Variants in PTK2B observed in about 807,000 individuals in gnomAD.
The protein encoded by PTK2B is protein tyrosine kinase 2 beta, also known as protein-tyrosine kinase 2-beta.
A neutral mutation model predicts 142.9 loss-of-function variants in PTK2B; 71 were observed. The ratio of observed to expected loss-of-function variants is 0.50; its 90% CI spans 0.41 to 0.61. The LOEUF is 0.61. Among genes scored for constraint, PTK2B ranks in the 20% least tolerant of loss-of-function variants. The probability of loss-of-function intolerance (pLI) is 0.00; values close to 1 mark genes in which losing one functional copy is unlikely to be tolerated. For missense variants in PTK2B, 1,105 were observed against 1,320.4 expected (o/e 0.84, Z 2.53); for synonymous variants, 519 against 503.4 (o/e 1.03, Z -0.42).
At chr8:27,448,217 G>A (rs1327023072) in intron 24 of PTK2B, among the ~76,000 whole-genome samples, 1 of 152,252 alleles carries the variant, frequency 6.6e-6, no homozygotes, top group African/African-American at 2.4e-5. Context: ...ACAAGTGCAA[G>A]AACTGTTGGA....
At chr8:27,341,520 C>T (rs769358302) in intron 1 of PTK2B, among the ~76,000 whole-genome samples, 2 of 152,154 alleles carry the variant, frequency 1.3e-5, no homozygotes, top group East Asian at 1.9e-4. Context: ...GAGTGGAGGA[C>T]TCCCTGGCCC....
intron 1 of PTK2B, among the ~76,000 whole-genome samples, chr8:27,387,574 C>G (rs1385319885): frequency 6.6e-6 from 1 of 152,170 alleles, no homozygotes; most frequent in Non-Finnish European, 1.5e-5. Flanking sequence ...TGCCCTTGCC[C>G]TAGAAGACGG....
chr8:27,430,231 A>C (rs1810324783), intron 6 of PTK2B, 76 bp downstream of exon 6: 3 of 1,572,228 alleles, frequency 1.9e-6, no homozygotes, highest in Admixed American at 1.7e-5. Flanking sequence ...CCTCTCCTCC[A>C]CCCCTCCCCA....
intron 1 of PTK2B, among the ~76,000 whole-genome samples, chr8:27,368,599 T>G (rs1806156725): frequency 6.6e-6 from 1 of 152,250 alleles, no homozygotes; most frequent in South Asian, 2.1e-4. Context: ...ATTTTGCTCC[T>G]GCTTACATGT....
intron 1 of PTK2B, among the ~76,000 whole-genome samples, chr8:27,330,668 G>C (rs1803692919): frequency 6.6e-6 from 1 of 152,170 alleles, no homozygotes; most frequent in African/African-American, 2.4e-5. Flanking sequence ...GAGTCACTCT[G>C]CTATTTCTCA....
At chr8:27,336,305 A>G (rs1049226580) in intron 1 of PTK2B, among the ~76,000 whole-genome samples, 5 of 152,244 alleles carry the variant, frequency 3.3e-5, no homozygotes, top group African/African-American at 1.2e-4. Context: ...CTCATAAGAT[A>G]TTATCATCCG....
chr8:27,351,064 G>A (rs1385499696), intron 1 of PTK2B, among the ~76,000 whole-genome samples: 5 of 126,946 alleles, frequency 3.9e-5, no homozygotes, highest in Non-Finnish European at 7.9e-5. Context: ...AGGCACAGTG[G>A]TGCACACCTG....
At chr8:27,405,769 G>A in intron 2 of PTK2B, among the ~76,000 whole-genome samples, 1 of 152,216 alleles carries the variant, frequency 6.6e-6, no homozygotes, top group South Asian at 2.1e-4. Context: ...TTTTAATCTG[G>A]TAGTTGCATT....
At chr8:27,310,949 C>A, upstream of PTK2B, 1 of 1,612,658 alleles carries the variant, frequency 6.2e-7, no homozygotes, top group Non-Finnish European at 8.5e-7. Flanking sequence ...ACGCGAGAAG[C>A]GGTAGCTGGT....
At chr8:27,358,942 T>G (rs544462740) in intron 1 of PTK2B, among the ~76,000 whole-genome samples, 138 of 152,160 alleles carry the variant, frequency 9.1e-4, no homozygotes, top group Non-Finnish European at 1.6e-3. Context: ...CTTACCAAAT[T>G]GGAAGGATTT....
intron 1 of PTK2B, among the ~76,000 whole-genome samples, chr8:27,337,283 C>T (rs1468216750): frequency 1.3e-5 from 2 of 152,140 alleles, no homozygotes; most frequent in African/African-American, 4.8e-5. Flanking sequence ...TTACAGGCAC[C>T]TGCCATCATG....
intron 21 of PTK2B, among the ~76,000 whole-genome samples, chr8:27,441,314 A>G (rs1347208709): frequency 6.6e-6 from 1 of 152,192 alleles, no homozygotes; most frequent in South Asian, 2.1e-4. Context: ...TCATTGAAAC[A>G]ATGTGAAAAC....
At chr8:27,347,031 G>T (rs761385002) in intron 1 of PTK2B, among the ~76,000 whole-genome samples, 2 of 152,102 alleles carry the variant, frequency 1.3e-5, no homozygotes, top group Non-Finnish European at 2.9e-5. Context: ...TTCAGATGTC[G>T]TGCCTTTCTG....
chr8:27,382,125 T>A (rs1807063974), intron 1 of PTK2B, among the ~76,000 whole-genome samples: 1 of 152,168 alleles, frequency 6.6e-6, no homozygotes, highest in Non-Finnish European at 1.5e-5. Flanking sequence ...TTTTTGAATT[T>A]TTAATAGAGA....
At chr8:27,326,073 C>T (rs1409683603) in intron 1 of PTK2B, among the ~76,000 whole-genome samples, 1 of 152,122 alleles carries the variant, frequency 6.6e-6, no homozygotes, top group South Asian at 2.1e-4. Flanking sequence ...CGCTCCCTCC[C>T]GGGCCCTTCC....
intron 3 of PTK2B, among the ~76,000 whole-genome samples, chr8:27,314,958 C>T (rs1331304819): frequency 1.3e-5 from 2 of 152,150 alleles, no homozygotes; most frequent in Non-Finnish European, 2.9e-5. Context: ...AACTTCTATC[C>T]CTTTCCTCTT....
chr8:27,423,276 T>A (rs1809872907), intron 5 of PTK2B, among the ~76,000 whole-genome samples: 1 of 152,204 alleles, frequency 6.6e-6, no homozygotes, highest in Non-Finnish European at 1.5e-5. Context: ...GTTCTAGCCC[T>A]GTCTTGACCA....
chr8:27,382,081 C>G (rs1406753372), intron 1 of PTK2B, among the ~76,000 whole-genome samples: 2 of 152,090 alleles, frequency 1.3e-5, no homozygotes, highest in African/African-American at 4.8e-5. Context: ...ATTGGAGTAG[C>G]TAGGATTACA....
chr8:27,384,596 C>A (rs569013057), intron 1 of PTK2B, among the ~76,000 whole-genome samples: 4 of 152,242 alleles, frequency 2.6e-5, no homozygotes, highest in African/African-American at 9.6e-5. Flanking sequence ...GAAAAGGTAA[C>A]TGTGTGGAGA....
Sources: gnomAD v4.1 joint callset for allele counts (sites outside exome capture counted in the v4.1 genomes callset) on GRCh38, gnomAD v4.1.1 for gene constraint, MANE v1.5 for transcripts, NCBI Gene and HGNC (gene_info 2026-07-23, HGNC 2026-07-21) for gene names.